Variants in FAM13C observed in about 807,000 individuals in gnomAD.
FAM13C encodes protein FAM13C.
FAM13C carries 37 observed loss-of-function variants against 73.2 expected under a neutral mutation model. The ratio of observed to expected loss-of-function variants is 0.51; its 90% CI spans 0.39 to 0.67. FAM13C has a LOEUF of 0.67. Ranked by LOEUF, FAM13C falls within the 30% of genes least tolerant of loss-of-function variation. The probability of loss-of-function intolerance (pLI) is 0.00; values close to 1 mark genes in which losing one functional copy is unlikely to be tolerated. For synonymous variants in FAM13C, 246 were observed against 260.9 expected (o/e 0.94, Z 0.55); for missense variants, 589 against 715.6 (o/e 0.82, Z 2.02).
In FAM13C at chr10:59,298,296, T is replaced by C. The variant is rs544530858; in HGVS notation, c.507+4505A>G. ...CCTTCAAGGTCAATTGGCTTGTGGC[T>C]GACCTTACCTATATGGCCTTGAAAT... is the stretch of plus-strand genomic sequence containing the variant. On this transcript the variant is annotated intron_variant, in intron 5 of 13. Transcript: ENST00000618804. 2.6e-5 allele frequency among the ~76,000 whole-genome samples: 4 copies of C among 152,352 alleles called. No individual in the cohort carries two copies. The East Asian group carries it at 7.7e-4, about 29-fold the overall frequency.
At chr10:59,339,182 C>T (rs1301698488) in intron 3 of FAM13C, among the ~76,000 whole-genome samples, 1 of 152,078 alleles carries the variant, frequency 6.6e-6, no homozygotes, top group Non-Finnish European at 1.5e-5. Flanking sequence ...TTAGGACTCA[C>T]CCTAAATATT....
At chr10:59,345,410 AG>A (rs759873769) in intron 3 of FAM13C, among the ~76,000 whole-genome samples, 1 of 152,348 alleles carries the variant, frequency 6.6e-6, no homozygotes, top group East Asian at 1.9e-4. Flanking sequence ...TCCATTTCTG[AG>A]ATGTATTGCC....
chr10:59,287,392 T>C (rs1318301506), intron 5 of FAM13C, among the ~76,000 whole-genome samples: 1 of 143,892 alleles, frequency 6.9e-6, no homozygotes, highest in Non-Finnish European at 1.5e-5. Flanking sequence ...TTAGGTTAGA[T>C]ATATTTTAAG....
rs951733012 is a variant in FAM13C, at chr10:59,352,381, C to G, written c.213G>C (p.Glu71Asp). 6.2e-7 allele frequency: 1 copy of G among 1,614,030 alleles called. No individual in the cohort carries two copies. The highest frequency in any genetic ancestry group is 1.3e-5 in the African/African-American group (1 of 74,948). ...PSWEPQQQNV[E>D]ATVLVDSVLR... ...ATACGCTGTCCACCAGCACGGTCGC[C>G]TCTACATTCTGCTGCTGCGGCTCCC... Residue 71 changes from glutamate to aspartate, a missense_variant, in exon 3 of 14, where the codon GAG becomes GAC. By Grantham distance (45) the Glu-to-Asp change is conservative. Transcript: ENST00000618804.
At chr10:59,297,620 T>A (rs2133826214) in intron 5 of FAM13C, among the ~76,000 whole-genome samples, 1 of 152,264 alleles carries the variant, frequency 6.6e-6, no homozygotes, top group South Asian at 2.1e-4. Flanking sequence ...GCTTCATAAT[T>A]CCTCAACCCC....
At chr10:59,293,353 G>T (rs376717797) in intron 5 of FAM13C, among the ~76,000 whole-genome samples, 14 of 152,252 alleles carry the variant, frequency 9.2e-5, no homozygotes, top group African/African-American at 2.6e-4. Context: ...TGGGATTACA[G>T]GCGTGAGCCA....
chr10:59,340,972 T>G (rs1853426587), intron 3 of FAM13C, among the ~76,000 whole-genome samples: 1 of 151,994 alleles, frequency 6.6e-6, no homozygotes, highest in Non-Finnish European at 1.5e-5. Flanking sequence ...AATGTCAGTT[T>G]CAGTACAGCT....
intron 11 of FAM13C, chr10:59,254,130 G>C (rs933362823): frequency 1.3e-5 from 5 of 396,244 alleles, no homozygotes; most frequent in African/African-American, 1.0e-4. Context: ...ACATACAAGT[G>C]CTATATGTTC....
chr10:59,329,069 G>A (rs933700679), intron 3 of FAM13C, among the ~76,000 whole-genome samples: 5 of 152,042 alleles, frequency 3.3e-5, no homozygotes, highest in African/African-American at 1.2e-4. Flanking sequence ...GTCGTAACTA[G>A]GGTAAAGAGC....
rs200083976 is a variant in FAM13C at position 59,262,453 on chromosome 10, G to A, written c.1217C>T (p.Pro406Leu). ...TCLKERREQL[P>L]PQEDSKVTKQ... ...ATGTACCTTAGAATCCTCCTGGGGA[G>A]GAAGTTGCTCTCTTCTCTCCTTCAG... The change falls in exon 10 of 14, where the codon CCT (proline) becomes CTT (leucine). Residue 406 changes from proline to leucine, a missense_variant. Transcript: ENST00000618804. 3 of 1,613,570 alleles carry A rather than the reference G, an allele frequency of 1.9e-6. No homozygotes were observed. The highest frequency in any genetic ancestry group is 2.5e-6 in the Non-Finnish European group (3 of 1,179,682).
chr10:59,302,955 C>T (rs1453599838), intron 4 of FAM13C, 91 bp from the exon 5 acceptor site: 2 of 1,168,806 alleles, frequency 1.7e-6, no homozygotes, highest in East Asian at 2.4e-5. Context: ...TGGCTGTACC[C>T]CTGATAAAAA....
At chr10:59,256,912 C>G (rs1841997965) in intron 10 of FAM13C, among the ~76,000 whole-genome samples, 1 of 152,184 alleles carries the variant, frequency 6.6e-6, no homozygotes, top group Non-Finnish European at 1.5e-5. Context: ...AGTACATCCT[C>G]CTTCCTCCCT....
intron 3 of FAM13C, among the ~76,000 whole-genome samples, chr10:59,346,609 C>T (rs1330424765): frequency 1.3e-5 from 2 of 152,184 alleles, no homozygotes; most frequent in African/African-American, 4.8e-5. Flanking sequence ...CAGTGCATAG[C>T]ATGATGCCAG....
At chr10:59,284,646 C>G (rs1164735450) in intron 5 of FAM13C, among the ~76,000 whole-genome samples, 1 of 150,774 alleles carries the variant, frequency 6.6e-6, no homozygotes. Flanking sequence ...TACATGCACT[C>G]TCATACCTAC....
chr10:59,290,779 C>A (rs1044023658), intron 5 of FAM13C, among the ~76,000 whole-genome samples: 6 of 152,158 alleles, frequency 3.9e-5, no homozygotes, highest in African/African-American at 1.4e-4. Context: ...TGCATCCTAG[C>A]GCAATGTGTA....
chr10:59,315,499 T>C (rs143521024), intron 4 of FAM13C, among the ~76,000 whole-genome samples: 6 of 152,134 alleles, frequency 3.9e-5, no homozygotes, highest in African/African-American at 4.8e-5. Flanking sequence ...CTAGGGGCCA[T>C]GTAGAAAATC....
chr10:59,279,101 C>A (rs1844646016), intron 6 of FAM13C, among the ~76,000 whole-genome samples: 3 of 152,220 alleles, frequency 2.0e-5, no homozygotes, highest in Admixed American at 6.5e-5. Flanking sequence ...CCTGGAGTGG[C>A]ACCGTGTTCT....
intron 4 of FAM13C, among the ~76,000 whole-genome samples, chr10:59,311,728 A>C (rs1848943328): frequency 6.6e-6 from 1 of 152,128 alleles, no homozygotes; most frequent in Admixed American, 6.5e-5. Context: ...CAGCCGGAAG[A>C]GAAGGTGGGG....
chr10:59,250,896 C>T (rs1421274841), intron 13 of FAM13C, among the ~76,000 whole-genome samples: 2 of 152,134 alleles, frequency 1.3e-5, no homozygotes, highest in African/African-American at 4.8e-5. Context: ...AAAATGGGAA[C>T]TGAGGTTCAA....
Sources: gnomAD v4.1 joint callset for allele counts (sites outside exome capture counted in the v4.1 genomes callset) on GRCh38, gnomAD v4.1.1 for gene constraint, MANE v1.5 for transcripts, NCBI Gene and HGNC (gene_info 2026-07-23, HGNC 2026-07-21) for gene names.